Variants in ENTPD1 observed in about 807,000 individuals in gnomAD.
ENTPD1 encodes the protein ATP diphosphohydrolase.
In ENTPD1, 33 loss-of-function variants were observed where a neutral mutation model predicts 57.0. The observed-to-expected ratio is 0.58, with a 90% CI of 0.44 to 0.77. ENTPD1 has a LOEUF of 0.77. Among genes scored for constraint, ENTPD1 ranks in the 30% least tolerant of loss-of-function variants. The probability of loss-of-function intolerance (pLI) is 0.00; values close to 1 mark genes in which losing one functional copy is unlikely to be tolerated. For missense variants in ENTPD1, 501 were observed against 603.4 expected (o/e 0.83, Z 1.78); for synonymous variants, 202 against 218.8 (o/e 0.92, Z 0.68).
At chr10:95,788,838 T>C (rs967383973) in intron 1 of ENTPD1, among the ~76,000 whole-genome samples, 3 of 152,198 alleles carry the variant, frequency 2.0e-5, no homozygotes, top group African/African-American at 7.2e-5. Context: ...ATGGTAACTA[T>C]GGCTTTTATA....
chr10:95,707,312 A>G (rs1457713016), upstream of ENTPD1, among the ~76,000 whole-genome samples: 6 of 152,160 alleles, frequency 3.9e-5, no homozygotes, highest in Admixed American at 3.3e-4. Flanking sequence ...TACCTGCTCC[A>G]TAGAGCATGA....
chr10:95,849,212 C>CA (rs1207973386), intron 7 of ENTPD1, among the ~76,000 whole-genome samples: 1 of 152,140 alleles, frequency 6.6e-6, no homozygotes, highest in African/African-American at 2.4e-5. Flanking sequence ...TTAATTGACT[C>CA]AGTCTTCAAA....
rs747377455 is a variant in ENTPD1 at position 95,842,505 on chromosome 10, A to G, written c.413+11A>G. The G allele has an allele frequency of 3.2e-5, 51 of 1,612,342 alleles. No individual in the cohort carries two copies. The highest frequency in any genetic ancestry group is 2.5e-5 in the Non-Finnish European group (29 of 1,178,854). Reference sequence around the variant, plus strand: ...CATGCGGTTGCTCAGGTATAGCAGCATGTAGGGACCAAGAGTATCTGGGAG... The same window carrying G: ...CATGCGGTTGCTCAGGTATAGCAGCGTGTAGGGACCAAGAGTATCTGGGAG... On this transcript the variant is annotated intron_variant, in intron 4 of 9. Transcript: ENST00000371205.
At chr10:95,786,647 G>C (rs2098181128) in intron 1 of ENTPD1, among the ~76,000 whole-genome samples, 1 of 152,124 alleles carries the variant, frequency 6.6e-6, no homozygotes, top group Admixed American at 6.6e-5. Flanking sequence ...ACCAAATCTA[G>C]TGAGAAAAAG....
chr10:95,734,954 T>C (rs1239244664), intron 1 of ENTPD1, among the ~76,000 whole-genome samples: 1 of 151,920 alleles, frequency 6.6e-6, no homozygotes, highest in African/African-American at 2.4e-5. Flanking sequence ...TACAGTTGGG[T>C]GGGTAGGGTT....
At chr10:95,801,140 C>T (rs1038413220) in intron 1 of ENTPD1, among the ~76,000 whole-genome samples, 2 of 152,222 alleles carry the variant, frequency 1.3e-5, no homozygotes, top group Admixed American at 1.3e-4. Context: ...TTGGCTCCAG[C>T]TGGTCCCTCT....
At chr10:95,765,485 A>G (rs1192252347) in intron 1 of ENTPD1, among the ~76,000 whole-genome samples, 1 of 152,176 alleles carries the variant, frequency 6.6e-6, no homozygotes, top group Non-Finnish European at 1.5e-5. Flanking sequence ...CCTGTTGAAA[A>G]TCAATTTCCC....
chr10:95,745,253 A>G (rs1323574257), intron 1 of ENTPD1, among the ~76,000 whole-genome samples: 2 of 152,164 alleles, frequency 1.3e-5, no homozygotes, highest in Non-Finnish European at 2.9e-5. Flanking sequence ...GCACAATCAT[A>G]GCTCACTGCA....
upstream of ENTPD1, chr10:95,754,650 GATGA>G (rs1351324778): frequency 6.6e-6 from 1 of 152,130 alleles, no homozygotes; most frequent in African/African-American, 2.4e-5. Context: ...ATCATAACAG[GATGA>G]ATATCAGACC....
At chr10:95,758,748 C>T (rs2098042071) in intron 1 of ENTPD1, among the ~76,000 whole-genome samples, 1 of 152,140 alleles carries the variant, frequency 6.6e-6, no homozygotes, top group Non-Finnish European at 1.5e-5. Flanking sequence ...GATAGGGGTA[C>T]AGGAGGTAGC....
intron 1 of ENTPD1, among the ~76,000 whole-genome samples, chr10:95,806,313 A>C (rs2098272324): frequency 6.6e-6 from 1 of 152,172 alleles, no homozygotes; most frequent in African/African-American, 2.4e-5. Context: ...TGTGTCACAT[A>C]GTTCTTGTGC....
chr10:95,781,728 G>A lies in ENTPD1; in HGVS notation c.16+25473G>A, dbSNP rs151075181. The stretch of plus-strand genomic sequence containing the variant: ...CCTTGGTAGCCAGACCAAAGTTCAC[G>A]ACTGTGTTATATACTCTGAAATGGA... On this transcript the variant is annotated intron_variant, in intron 1 of 9. Transcript: ENST00000371205. Among the ~76,000 whole-genome samples, 383 of 152,324 alleles carry A rather than the reference G, an allele frequency of 2.5e-3. 5 individuals carry two copies. Among genetic ancestry groups the A allele is most frequent in the Admixed American group, 0.019 (283 of 15,294 alleles).
chr10:95,780,462 C>G (rs964581346), intron 1 of ENTPD1, among the ~76,000 whole-genome samples: 1 of 152,180 alleles, frequency 6.6e-6, no homozygotes, highest in African/African-American at 2.4e-5. Flanking sequence ...ACCTCAAGGT[C>G]TATTAAAGTT....
At position 95,871,339 on chromosome 10, in the gene ENTPD1, C is replaced by T; in HGVS notation, c.*4956C>T. ...TTATCTTTAAAAAATGTCATTACTT[C>T]TAAGACATCATCAGTCTGCAACTTC... On this transcript the variant is annotated 3_prime_UTR_variant, in exon 10 of 10. Coordinates refer to ENST00000371205, the MANE Select transcript of ENTPD1 (RefSeq NM_001776.6). 1 of 985,408 alleles carries T rather than the reference C, an allele frequency of 1.0e-6. No individual in the cohort carries two copies. Among genetic ancestry groups the T allele is most frequent in the Non-Finnish European group, 1.2e-6 (1 of 829,868 alleles). The allele number at this position is 985,408 out of a possible 1,614,324, so 61.0% of individuals were successfully genotyped here. A position where few individuals can be genotyped will look rare whatever the true frequency, so the allele number is the denominator to read the frequency against.
At chr10:95,698,788 G>T in the ENTPD1 span, among the ~76,000 whole-genome samples, 1 of 152,110 alleles carries the variant, frequency 6.6e-6, no homozygotes. Context: ...CCATTTTTAG[G>T]TATTCTGTTA....
chr10:95,736,866 A>G (rs529083614), intron 1 of ENTPD1, among the ~76,000 whole-genome samples: 2 of 152,334 alleles, frequency 1.3e-5, no homozygotes, highest in East Asian at 1.9e-4. Flanking sequence ...AATTTAGTCA[A>G]TTACTCCCAG....
At chr10:95,730,005 G>C (rs1398572445) in intron 1 of ENTPD1, among the ~76,000 whole-genome samples, 1 of 152,090 alleles carries the variant, frequency 6.6e-6, no homozygotes, top group Non-Finnish European at 1.5e-5. Context: ...CACTGGATTT[G>C]ATTATTGCAC....
At chr10:95,732,949 A>G (rs1474952709) in intron 1 of ENTPD1, among the ~76,000 whole-genome samples, 3 of 152,158 alleles carry the variant, frequency 2.0e-5, no homozygotes, top group Admixed American at 2.0e-4. Context: ...TTGCTAATGA[A>G]GTTTCAGGCA....
In ENTPD1 at chr10:95,871,060, T is replaced by C; in HGVS notation, c.*4677T>C. On this transcript the variant is annotated 3_prime_UTR_variant, in exon 10 of 10. Coordinates refer to ENST00000371205, the MANE Select transcript of ENTPD1 (RefSeq NM_001776.6). ...ACTAGGATGCCTCTTAAGGTCTTGG[T>C]CAGGATGGGGTCTCCTGTCACTTCT... is the stretch of plus-strand genomic sequence containing the variant. 1.0e-6 allele frequency: 1 copy of C among 985,014 alleles called. No homozygotes were observed. Among genetic ancestry groups the C allele is most frequent in the African/African-American group, 1.8e-5 (1 of 57,024 alleles). 61.0% of individuals were successfully genotyped at this position (985,014 alleles called of 1,614,324 possible).
Sources: allele counts gnomAD v4.1 joint callset (sites outside exome capture counted in the v4.1 genomes callset), GRCh38; gene constraint gnomAD v4.1.1; transcripts MANE v1.5; gene names NCBI Gene and HGNC (gene_info 2026-07-23, HGNC 2026-07-21).